ZNF83: variants seen among roughly 807,000 people sequenced by gnomAD.
The protein encoded by ZNF83 is zinc finger protein 83.
For synonymous variants in ZNF83, 209 were observed against 213.0 expected (o/e 0.98, Z 0.17); for missense variants, 552 against 629.9 (o/e 0.88, Z 1.32).
chr19:52,619,741 G>C (rs924907874), intron 2 of ZNF83, among the ~76,000 whole-genome samples: 1 of 152,108 alleles, frequency 6.6e-6, no homozygotes, highest in African/African-American at 2.4e-5. Context: ...CAGTGAAATA[G>C]CCGGGCTCAA....
At chr19:52,676,106 G>C (rs565961414) in intron 1 of ZNF83, among the ~76,000 whole-genome samples, 7 of 152,100 alleles carry the variant, frequency 4.6e-5, no homozygotes, top group African/African-American at 9.7e-5. Flanking sequence ...TCAGCCTGCT[G>C]AGTGCCTGCA....
Position 52,652,049 on chromosome 19 carries a change from G to T in ZNF83, c.-74+3512C>A. 1.3e-5 allele frequency: 3 copies of T among 235,014 alleles called. No homozygotes were observed. The South Asian group carries it at 1.9e-4, about 15-fold the overall frequency. 14.6% of individuals were successfully genotyped at this position (235,014 alleles called of 1,614,324 possible). On this transcript the variant is annotated intron_variant, in intron 3 of 5. Transcript: ENST00000594682. ...AATTTTCTACTGTTCTGCAAGGAGTGACCTCAGACTAAAGACATTGCCACA... is the reference window on the plus strand; with the variant it reads ...AATTTTCTACTGTTCTGCAAGGAGTTACCTCAGACTAAAGACATTGCCACA...
At chr19:52,618,956 T>C (rs779885457) in intron 2 of ZNF83, 1 of 1,545,498 alleles carries the variant, frequency 6.5e-7, no homozygotes, top group African/African-American at 1.4e-5. Context: ...CAGGTTCCTA[T>C]AATTCTCCAA....
chr19:52,618,860 A>G (rs1050284905), intron 2 of ZNF83: 47 of 1,519,994 alleles, frequency 3.1e-5, no homozygotes, highest in Middle Eastern at 3.5e-4. Flanking sequence ...CAAGGATGCA[A>G]CTCCCAAGAG....
rs373648785 is a variant in ZNF83, at chr19:52,678,319, A to G, written c.-283+12124T>C. On this transcript the variant is annotated intron_variant, in intron 1 of 5. Transcript: ENST00000594682. ...ATAAAAATTAGCCAGGCATGGTGGCAGGCGCCTATAATCCCAGTTACTTGG... is the reference window on the plus strand; with the variant it reads ...ATAAAAATTAGCCAGGCATGGTGGCGGGCGCCTATAATCCCAGTTACTTGG... 2.8e-3 allele frequency among the ~76,000 whole-genome samples: 422 copies of G among 151,394 alleles called. 3 individuals are homozygous for G. The highest frequency in any genetic ancestry group is 9.8e-3 in the African/African-American group (405 of 41,168).
At chr19:52,622,798 T>C (rs2060596018) in intron 2 of ZNF83, among the ~76,000 whole-genome samples, 1 of 152,202 alleles carries the variant, frequency 6.6e-6, no homozygotes, top group Middle Eastern at 3.4e-3. Flanking sequence ...CTTCAAAAAT[T>C]GGAATCCAGT....
chr19:52,664,175 A>G (rs1319822861), intron 1 of ZNF83, among the ~76,000 whole-genome samples: 4 of 133,838 alleles, frequency 3.0e-5, no homozygotes, highest in Non-Finnish European at 6.3e-5. Flanking sequence ...GAGCCACTGC[A>G]CCAGGCCTAT....
chr19:52,660,109 G>C (rs183271236), intron 2 of ZNF83, among the ~76,000 whole-genome samples: 1 of 152,172 alleles, frequency 6.6e-6, no homozygotes, highest in Non-Finnish European at 1.5e-5. Flanking sequence ...GAGAATTGCG[G>C]TGGTAAGACC....
chr19:52,688,337 ATT>A (rs772311727), intron 1 of ZNF83, among the ~76,000 whole-genome samples: 10 of 139,548 alleles, frequency 7.2e-5, no homozygotes, highest in Admixed American at 7.3e-5. Flanking sequence ...TACCCGATTA[ATT>A]TTTTTTTTTT....
upstream of ZNF83, among the ~76,000 whole-genome samples, chr19:52,639,166 G>T (rs891753095): frequency 1.3e-5 from 2 of 151,896 alleles, no homozygotes; most frequent in African/African-American, 4.8e-5. Context: ...GCAATGGCGC[G>T]ATCTCTGTCT....
At chr19:52,613,048 A>C in exon 3 of ZNF83, 1 of 1,605,406 alleles carries the variant, frequency 6.2e-7, no homozygotes, top group South Asian at 1.1e-5. Flanking sequence ...TCCGGCATGA[A>C]ATCTCTGATG....
chr19:52,615,983 C>A (rs749929067), intron 2 of ZNF83, among the ~76,000 whole-genome samples: 2 of 152,154 alleles, frequency 1.3e-5, no homozygotes, highest in Admixed American at 6.5e-5. Flanking sequence ...GGATTACAGG[C>A]GACTGCCACC....
chr19:52,688,674 C>T (rs182448966), intron 1 of ZNF83, among the ~76,000 whole-genome samples: 28 of 152,128 alleles, frequency 1.8e-4, no homozygotes, highest in Middle Eastern at 3.4e-3. Context: ...ACTTATCTAA[C>T]ATCTTGCTGC....
At chr19:52,653,252 GC>G in intron 3 of ZNF83, 1 of 1,518,646 alleles carries the variant, frequency 6.6e-7, no homozygotes, top group Non-Finnish European at 9.1e-7. Context: ...CCAGTATGAA[GC>G]CTATAATGAC....
intron 2 of ZNF83, chr19:52,617,039 A>T (rs1372649560): frequency 1.3e-5 from 2 of 152,006 alleles, no homozygotes; most frequent in East Asian, 3.9e-4. Flanking sequence ...ATCAGGGGGT[A>T]GGGGGCAAGG....
intron 1 of ZNF83, among the ~76,000 whole-genome samples, chr19:52,679,667 G>A (rs2061875413): frequency 1.3e-5 from 2 of 152,148 alleles, no homozygotes; most frequent in Admixed American, 6.5e-5. Flanking sequence ...CAGTCAGTGT[G>A]ATGCTTTCTA....
At chr19:52,687,673 T>A (rs1193376571) in intron 1 of ZNF83, among the ~76,000 whole-genome samples, 1 of 111,586 alleles carries the variant, frequency 9.0e-6, no homozygotes, top group African/African-American at 3.9e-5. Context: ...TATATATATA[T>A]AACTAGCCGG....
chr19:52,687,645 A>ATG (rs1568589204), intron 1 of ZNF83, among the ~76,000 whole-genome samples: 642 of 26,608 alleles, frequency 0.024, 59 homozygotes, highest in African/African-American at 0.16. Flanking sequence ...ATATATATAT[A>ATG]TATATATATA....
At chr19:52,639,011 TTGA>T (rs1456887456), upstream of ZNF83, among the ~76,000 whole-genome samples, 1 of 152,232 alleles carries the variant, frequency 6.6e-6, no homozygotes, top group African/African-American at 2.4e-5. Context: ...AATAAAATTT[TTGA>T]TGATGTTACA....
Sources: allele counts gnomAD v4.1 joint callset (sites outside exome capture counted in the v4.1 genomes callset), GRCh38; gene constraint gnomAD v4.1.1; transcripts MANE v1.5; gene names NCBI Gene and HGNC (gene_info 2026-07-23, HGNC 2026-07-21).